Variants in DSG1 observed in about 807,000 individuals in gnomAD.
DSG1 encodes the protein desmoglein-1.
In DSG1, 39 loss-of-function variants were observed where a neutral mutation model predicts 97.5. The ratio of observed to expected loss-of-function variants is 0.40; its 90% CI spans 0.31 to 0.52. The LOEUF (loss-of-function observed/expected upper bound fraction) is 0.52, where lower values mean the gene tolerates loss of function less well. Among genes scored for constraint, DSG1 ranks in the 20% least tolerant of loss-of-function variants. DSG1 has a pLI of 0.53. For synonymous variants in DSG1, 475 were observed against 443.4 expected (o/e 1.07, Z -0.90); for missense variants, 1,311 against 1,295.4 (o/e 1.01, Z -0.18).
intron 5 of DSG1, 142 bp downstream of exon 5, chr18:31,330,178 G>C: frequency 9.2e-7 from 1 of 1,081,994 alleles, no homozygotes; most frequent in Non-Finnish European, 1.4e-6. Flanking sequence ...TTTCAACTAC[G>C]GAAGCAGCTC....
rs1273012086 is a variant in DSG1 at position 31,338,316 on chromosome 18, T to G, written c.1267T>G (p.Tyr423Asp). The G allele has an allele frequency of 6.2e-7, 1 of 1,613,564 alleles. No homozygotes were observed. The highest frequency in any genetic ancestry group is 2.2e-5 in the East Asian group (1 of 44,766). The part of the protein sequence containing the change: ...DTGRPSTTVR[Y>D]VMGNNPADLL... ...TGTATCATTTTCTTTCAAATACAGG[T>G]ATGTAATGGGAAATAATCCAGCTGA... Residue 423 changes from tyrosine to aspartate, a missense_variant and splice_region_variant, in exon 10 of 15, where the codon TAT becomes GAT. Physicochemically the swap from Tyr to Asp is radical, Grantham distance 160. Around this residue, in one of 3 missense-constraint regions of DSG1, gnomAD observed 1,038 missense variants for 964.6 expected, o/e 1.08. Transcript: ENST00000257192.
In DSG1 at chr18:31,354,965, A is replaced by C; in HGVS notation, c.2769A>C (p.Thr923=). The C allele has an allele frequency of 1.2e-6, 2 of 1,614,224 alleles. No homozygotes were observed. Among genetic ancestry groups the C allele is most frequent in the Non-Finnish European group, 1.7e-6 (2 of 1,180,024 alleles). Residue 923 remains threonine (T), a synonymous_variant, in exon 15 of 15, where the codon ACA becomes ACC. Coordinates refer to ENST00000257192, the MANE Select transcript of DSG1 (RefSeq NM_001942.4). ...GAGAGTCTTCAAATGTGGTAGTGAC[A>C]GAAAGAGTAATCCAACCAACTTCCG... ...HPRESSNVVV[T]ERVIQPTSGM...
intron 1 of DSG1, among the ~76,000 whole-genome samples, chr18:31,323,426 T>A (rs2071665865): frequency 6.6e-6 from 1 of 152,226 alleles, no homozygotes; most frequent in Non-Finnish European, 1.5e-5. Flanking sequence ...TTTAGTACAA[T>A]GTCTTCCAAT....
In DSG1 at chr18:31,338,327, A is replaced by T. The variant is rs375241902; in HGVS notation, c.1278A>T (p.Gly426=). The T allele has an allele frequency of 6.2e-7, 1 of 1,613,616 alleles. No homozygotes were observed. The highest frequency in any genetic ancestry group is 8.5e-7 in the Non-Finnish European group (1 of 1,179,788). Reference sequence around the variant, plus strand: ...CTTTCAAATACAGGTATGTAATGGGAAATAATCCAGCTGACCTGCTAGCTG... The same window carrying T: ...CTTTCAAATACAGGTATGTAATGGGTAATAATCCAGCTGACCTGCTAGCTG... The part of the protein sequence containing the change: ...RPSTTVRYVM[G]NNPADLLAVD... Residue 426 remains glycine (G), a synonymous_variant, in exon 10 of 15, where the codon GGA becomes GGT. Transcript: ENST00000257192.
At chr18:31,326,761 C>T in intron 2 of DSG1, 113 bp from the exon 3 acceptor site, 1 of 1,399,630 alleles carries the variant, frequency 7.1e-7, no homozygotes, top group South Asian at 1.2e-5. Flanking sequence ...TACCAATTTT[C>T]CCAATTAAAC....
intron 13 of DSG1, 150 bp from the exon 14 acceptor site, chr18:31,345,840 T>G: frequency 1.6e-6 from 1 of 632,832 alleles, no homozygotes; most frequent in Non-Finnish European, 2.8e-6. Flanking sequence ...AATATTGTAT[T>G]TATATCTCCT....
intron 3 of DSG1, among the ~76,000 whole-genome samples, chr18:31,327,822 C>CA (rs1344613299): frequency 6.6e-6 from 1 of 152,110 alleles, no homozygotes; most frequent in Non-Finnish European, 1.5e-5. Flanking sequence ...CTTAAGAGGG[C>CA]AAAGAGTTTC....
intron 1 of DSG1, among the ~76,000 whole-genome samples, chr18:31,324,934 G>T (rs1341302719): frequency 6.6e-6 from 1 of 152,118 alleles, no homozygotes; most frequent in Non-Finnish European, 1.5e-5. Flanking sequence ...ATTACAGCTG[G>T]AAAGTTACCT....
chr18:31,352,401 C>A (rs908851372), intron 14 of DSG1, among the ~76,000 whole-genome samples: 20 of 150,658 alleles, frequency 1.3e-4, no homozygotes, highest in African/African-American at 4.9e-4. Flanking sequence ...CTGCCCTTAA[C>A]ATTTTTTCCT....
In DSG1 at chr18:31,346,194, G is replaced by C. The variant is rs770142732; in HGVS notation, c.2096G>C (p.Cys699Ser). 2 of 1,612,834 alleles carry C rather than the reference G, an allele frequency of 1.2e-6. No individual in the cohort carries two copies. Among genetic ancestry groups the C allele is most frequent in the African/African-American group, 1.3e-5 (1 of 74,904 alleles). The change falls in exon 14 of 15, where the codon TGT (cysteine) becomes TCT (serine). Residue 699 changes from cysteine to serine, a missense_variant. Physicochemically the swap from Cys to Ser is moderately radical, Grantham distance 112. Coordinates refer to ENST00000257192, the MANE Select transcript of DSG1 (RefSeq NM_001942.4). ...ATGAATTTCATGGAAAGCTACTTCT[G>C]TCAGGTAAGGTCCCTAGCCACATGC... Reference protein sequence around the residue: ...LNMNFMESYFCQKAYAYADED... With the variant: ...LNMNFMESYFSQKAYAYADED...
Position 31,358,402 on chromosome 18 carries a change from G to T in DSG1, c.*3056G>T, listed in dbSNP as rs145936339. ...TTAAAAGAAAAAGTACATATTTAGG[G>T]TTATTTATATATCTTCATCTAGACA... On this transcript the variant is annotated 3_prime_UTR_variant, in exon 15 of 15. Coordinates refer to ENST00000257192, the MANE Select transcript of DSG1 (RefSeq NM_001942.4). Among the ~76,000 whole-genome samples, 1 of 151,870 alleles carries T rather than the reference G, an allele frequency of 6.6e-6. No individual in the cohort carries two copies. Among genetic ancestry groups the T allele is most frequent in the East Asian group, 1.9e-4 (1 of 5,192 alleles).
At chr18:31,336,328 A>C (rs774466309) in intron 8 of DSG1, 26 bp from the exon 9 acceptor site, 2 of 1,598,482 alleles carry the variant, frequency 1.3e-6, no homozygotes, top group East Asian at 4.5e-5. Context: ...TCTTATAATG[A>C]AACTATTTTA....
At chr18:31,349,311 T>C (rs2071873252) in intron 14 of DSG1, among the ~76,000 whole-genome samples, 1 of 143,364 alleles carries the variant, frequency 7.0e-6, no homozygotes, top group Non-Finnish European at 1.5e-5. Context: ...CTCTGTTCTG[T>C]TCCATTGATC....
intron 8 of DSG1, among the ~76,000 whole-genome samples, chr18:31,335,315 A>G (rs1284247316): frequency 6.6e-6 from 1 of 152,190 alleles, no homozygotes; most frequent in African/African-American, 2.4e-5. Context: ...TTCTCTAGAT[A>G]TGAAGTTCAC....
intron 14 of DSG1, among the ~76,000 whole-genome samples, 194 bp downstream of exon 14, chr18:31,346,392 A>G (rs529947401): frequency 7.2e-5 from 11 of 152,242 alleles, no homozygotes; most frequent in Non-Finnish European, 1.6e-4. Context: ...TTACTCCCCA[A>G]CGTAAGAACA....
At chr18:31,332,692 A>C (rs1036034287) in intron 6 of DSG1, among the ~76,000 whole-genome samples, 1 of 152,132 alleles carries the variant, frequency 6.6e-6, no homozygotes, top group African/African-American at 2.4e-5. Flanking sequence ...AAAAATGACA[A>C]TCTTCTTGCT....
chr18:31,344,831 T>C (rs2071818283), intron 13 of DSG1, among the ~76,000 whole-genome samples: 1 of 152,250 alleles, frequency 6.6e-6, no homozygotes, highest in African/African-American at 2.4e-5. Flanking sequence ...GGTAAATAAA[T>C]ACTATTGGTT....
chr18:31,346,050 T>C lies in DSG1; in HGVS notation c.1952T>C (p.Met651Thr). 1.9e-6 allele frequency: 3 copies of C among 1,613,382 alleles called. No individual in the cohort carries two copies. The highest frequency in any genetic ancestry group is 1.7e-6 in the Non-Finnish European group (2 of 1,179,448). The stretch of plus-strand genomic sequence containing the variant: ...CAAGATCTGGGAGGAGGAGAGAGAA[T>C]GACAGGATTTGAACTAACAGAGGGA... The part of the protein sequence containing the change: ...EMQDLGGGER[M>T]TGFELTEGVK... Residue 651 changes from methionine to threonine, a missense_variant, in exon 14 of 15, where the codon ATG becomes ACG. Transcript: ENST00000257192.
chr18:31,319,563 G>T (rs1400295091), intron 1 of DSG1, among the ~76,000 whole-genome samples: 1 of 152,044 alleles, frequency 6.6e-6, no homozygotes, highest in East Asian at 1.9e-4. Context: ...CATTACTTAG[G>T]ATTTGGTAGG....
Sources: allele counts gnomAD v4.1 joint callset (sites outside exome capture counted in the v4.1 genomes callset), GRCh38; gene constraint gnomAD v4.1.1; regional missense constraint gnomAD v4.1.1; transcripts MANE v1.5; gene names NCBI Gene and HGNC (gene_info 2026-07-23, HGNC 2026-07-21).